PRKG1: variants seen among roughly 807,000 people sequenced by gnomAD.
PRKG1 encodes protein kinase cGMP-dependent 1, also known as cGMP-dependent protein kinase 1.
PRKG1 carries 35 observed loss-of-function variants against 88.1 expected under a neutral mutation model. The observed-to-expected ratio is 0.40, with a 90% CI of 0.30 to 0.53. The LOEUF is 0.53. Ranked by LOEUF, PRKG1 falls within the 20% of genes least tolerant of loss-of-function variation. The pLI is 0.59. For synonymous variants in PRKG1, 303 were observed against 292.5 expected (o/e 1.04, Z -0.37); for missense variants, 540 against 839.8 (o/e 0.64, Z 4.41).
chr10:51,835,591 T>G (rs2132763112), intron 4 of PRKG1, among the ~76,000 whole-genome samples: 1 of 152,326 alleles, frequency 6.6e-6, no homozygotes, highest in African/African-American at 2.4e-5. Context: ...TTATAACTTT[T>G]TTTCATTGGT....
intron 4 of PRKG1, among the ~76,000 whole-genome samples, chr10:51,829,932 A>C (rs1589328941): frequency 6.6e-6 from 1 of 152,186 alleles, no homozygotes; most frequent in Non-Finnish European, 1.5e-5. Context: ...GAGCTGTTCA[A>C]AATGTTATGG....
At chr10:51,849,294 T>G (rs1334201666) in intron 4 of PRKG1, among the ~76,000 whole-genome samples, 3 of 152,066 alleles carry the variant, frequency 2.0e-5, no homozygotes, top group African/African-American at 7.2e-5. Flanking sequence ...GTAAAGAAAA[T>G]AATCTGGGGG....
rs1181342124 is a variant in PRKG1, at chr10:51,315,697, T to G, written c.479-152026T>G. ...AAAGATAATTCAGTTGTGGGCCAAT[T>G]TCAATATTTCTACTGTCCTAGAGGT... On this transcript the variant is annotated intron_variant, in intron 2 of 17. Coordinates refer to ENST00000373980, the MANE Select transcript of PRKG1 (RefSeq NM_006258.4). 2.0e-5 allele frequency among the ~76,000 whole-genome samples: 3 copies of G among 152,326 alleles called. No individual in the cohort carries two copies. The South Asian group carries it at 6.2e-4, about 32-fold the overall frequency.
chr10:52,140,041 T>A (rs1837533891), intron 8 of PRKG1, among the ~76,000 whole-genome samples: 1 of 152,228 alleles, frequency 6.6e-6, no homozygotes, highest in Non-Finnish European at 1.5e-5. Flanking sequence ...TTTGAATTTA[T>A]ATCATTTTCT....
intron 5 of PRKG1, among the ~76,000 whole-genome samples, chr10:52,049,515 C>T (rs2133244795): frequency 6.6e-6 from 1 of 152,132 alleles, no homozygotes; most frequent in East Asian, 1.9e-4. Context: ...AGTTTTTAAG[C>T]AATAAAGTGA....
intron 3 of PRKG1, among the ~76,000 whole-genome samples, chr10:51,719,187 G>A (rs1841957231): frequency 6.6e-6 from 1 of 151,388 alleles, no homozygotes; most frequent in African/African-American, 2.4e-5. Flanking sequence ...ATTCCAAGCA[G>A]TAAATATAGA....
At chr10:51,097,998 G>A (rs1316818940) in intron 1 of PRKG1, among the ~76,000 whole-genome samples, 2 of 152,138 alleles carry the variant, frequency 1.3e-5, no homozygotes, top group African/African-American at 4.8e-5. Context: ...AAGATCATGG[G>A]TTTTTGGGTC....
chr10:51,449,841 A>G (rs1194618848), intron 2 of PRKG1, among the ~76,000 whole-genome samples: 2 of 151,384 alleles, frequency 1.3e-5, no homozygotes, highest in African/African-American at 4.9e-5. Flanking sequence ...TCCTTTTTTA[A>G]TTTACTTTTC....
At chr10:51,417,176 A>G (rs573330167) in intron 2 of PRKG1, among the ~76,000 whole-genome samples, 1 of 152,180 alleles carries the variant, frequency 6.6e-6, no homozygotes, top group Non-Finnish European at 1.5e-5. Context: ...CAACTGACAT[A>G]ATAGAAGTTT....
chr10:51,726,221 C>T (rs1842126900), intron 3 of PRKG1, among the ~76,000 whole-genome samples: 1 of 152,132 alleles, frequency 6.6e-6, no homozygotes, highest in Admixed American at 6.5e-5. Context: ...TCCTTTTACA[C>T]ATCACTATGC....
At chr10:51,557,059 C>T (rs547096666) in intron 3 of PRKG1, among the ~76,000 whole-genome samples, 43 of 151,960 alleles carry the variant, frequency 2.8e-4, no homozygotes, top group African/African-American at 1.0e-3. Context: ...ACCCGCTTCT[C>T]CCCCAATCCC....
At chr10:51,881,847 AACATC>A (rs1321227653) in intron 4 of PRKG1, among the ~76,000 whole-genome samples, 1 of 152,200 alleles carries the variant, frequency 6.6e-6, no homozygotes, top group Non-Finnish European at 1.5e-5. Context: ...TGAAATAAGC[AACATC>A]ATGATACTCT....
chr10:51,601,258 A>G (rs916892886), intron 3 of PRKG1, among the ~76,000 whole-genome samples: 25 of 152,178 alleles, frequency 1.6e-4, no homozygotes, highest in African/African-American at 6.0e-4. Context: ...GAATGAATGA[A>G]TGAATCTCCT....
intron 3 of PRKG1, among the ~76,000 whole-genome samples, chr10:51,501,644 T>G (rs958365685): frequency 6.6e-6 from 1 of 152,182 alleles, no homozygotes; most frequent in Non-Finnish European, 1.5e-5. Flanking sequence ...TCAGGATAGC[T>G]TACATAGTAT....
chr10:51,034,583 C>T (rs944470863), intron 1 of PRKG1, among the ~76,000 whole-genome samples: 2 of 148,636 alleles, frequency 1.3e-5, no homozygotes, highest in African/African-American at 2.5e-5. Flanking sequence ...TTGCTGTATA[C>T]ACTAAATAGA....
intron 3 of PRKG1, among the ~76,000 whole-genome samples, chr10:51,612,688 C>G (rs773977119): frequency 1.6e-4 from 25 of 151,946 alleles, no homozygotes; most frequent in Non-Finnish European, 3.1e-4. Context: ...AAATGTGCAT[C>G]CTTGTCTTGT....
chr10:52,073,244 G>A (rs1846546984), intron 7 of PRKG1, among the ~76,000 whole-genome samples: 1 of 152,128 alleles, frequency 6.6e-6, no homozygotes, highest in African/African-American at 2.4e-5. Context: ...CAGTATGGCA[G>A]CACCTTAACT....
intron 9 of PRKG1, among the ~76,000 whole-genome samples, chr10:52,207,952 CTAG>C (rs1481747185): frequency 2.0e-5 from 3 of 152,152 alleles, no homozygotes; most frequent in Non-Finnish European, 4.4e-5. Context: ...CTGGCAGCAT[CTAG>C]TAGTCCTTCT....
At chr10:52,273,392 C>T (rs1412563892) in intron 12 of PRKG1, among the ~76,000 whole-genome samples, 11 of 152,018 alleles carry the variant, frequency 7.2e-5, no homozygotes, top group Admixed American at 7.2e-4. Context: ...AGTCCTGCCT[C>T]CCAGACTCTC....
Sources: gnomAD v4.1 joint callset for allele counts (sites outside exome capture counted in the v4.1 genomes callset) on GRCh38, gnomAD v4.1.1 for gene constraint, MANE v1.5 for transcripts, NCBI Gene and HGNC (gene_info 2026-07-23, HGNC 2026-07-21) for gene names.